Variants in TMC1 observed in about 807,000 individuals in gnomAD.
TMC1 encodes transmembrane channel-like protein 1.
A neutral mutation model predicts 105.8 loss-of-function variants in TMC1; 84 were observed. That is an observed-to-expected ratio of 0.79 (90% CI 0.67 to 0.95). The LOEUF is 0.95. TMC1 is among the 40% of genes least tolerant of loss of function. The pLI is 0.00. For missense variants in TMC1, 817 were observed against 914.1 expected (o/e 0.89, Z 1.37); for synonymous variants, 315 against 311.5 (o/e 1.01, Z -0.12).
rs543541440 is a variant in TMC1, at chr9:72,796,605, G to A, written c.1566+4253G>A. Among the ~76,000 whole-genome samples, 4 of 152,152 alleles carry A rather than the reference G, an allele frequency of 2.6e-5. No homozygotes were observed. In the East Asian group the frequency reaches 7.7e-4, roughly 29 times the overall value. ...ATAAATGTGATTCATCATGTAAAAA[G>A]AAATAAAGAGAAAAACCACATGATT... is the stretch of plus-strand genomic sequence containing the variant. On this transcript the variant is annotated intron_variant, in intron 17 of 23. Coordinates refer to ENST00000297784, the MANE Select transcript of TMC1 (RefSeq NM_138691.3).
At chr9:72,824,601 C>T (rs186847119) in intron 20 of TMC1, among the ~76,000 whole-genome samples, 30 of 152,258 alleles carry the variant, frequency 2.0e-4, no homozygotes, top group Non-Finnish European at 4.4e-5. Context: ...AAAGTCAGGC[C>T]GTCTCTCCCC....
chr9:72,829,336 T>C (rs530820295), intron 21 of TMC1, among the ~76,000 whole-genome samples: 69 of 152,312 alleles, frequency 4.5e-4, no homozygotes, highest in African/African-American at 1.6e-3. Context: ...CTTTGGAGAC[T>C]AGAAAAAGAT....
intron 2 of TMC1, among the ~76,000 whole-genome samples, chr9:72,604,740 T>G (rs1824879976): frequency 6.6e-6 from 1 of 152,186 alleles, no homozygotes; most frequent in Non-Finnish European, 1.5e-5. Flanking sequence ...AGGTGAAGCA[T>G]GTTGGTTTAA....
chr9:72,687,559 T>C (rs1451463796), intron 5 of TMC1, among the ~76,000 whole-genome samples: 1 of 152,236 alleles, frequency 6.6e-6, no homozygotes, highest in African/African-American at 2.4e-5. Context: ...TCACATTCTG[T>C]GGCTGATGTT....
chr9:72,709,835 G>C (rs2117903991), intron 8 of TMC1, among the ~76,000 whole-genome samples: 1 of 151,962 alleles, frequency 6.6e-6, no homozygotes, highest in East Asian at 1.9e-4. Context: ...TTTATCTTTT[G>C]TATTTTTGTT....
At chr9:72,524,119 C>T (rs1052085093) in intron 1 of TMC1, among the ~76,000 whole-genome samples, 1 of 152,166 alleles carries the variant, frequency 6.6e-6, no homozygotes, top group Non-Finnish European at 1.5e-5. Context: ...TCTTTTATTT[C>T]TTCACCTAGC....
intron 10 of TMC1, among the ~76,000 whole-genome samples, chr9:72,747,259 C>T (rs1009389330): frequency 6.6e-6 from 1 of 152,072 alleles, no homozygotes; most frequent in Admixed American, 6.5e-5. Context: ...AATTCCCTAC[C>T]CCTAAATAGT....
At chr9:72,731,832 G>A (rs1189684759) in intron 8 of TMC1, among the ~76,000 whole-genome samples, 2 of 152,130 alleles carry the variant, frequency 1.3e-5, no homozygotes, top group Non-Finnish European at 2.9e-5. Context: ...CTTTGACCAT[G>A]TAACTGAATC....
chr9:72,830,335 A>G (rs186990629), intron 21 of TMC1, 116 bp from the exon 22 acceptor site: 25 of 767,794 alleles, frequency 3.3e-5, no homozygotes, highest in Non-Finnish European at 5.2e-5. Context: ...AGAGTAGAAG[A>G]TAGCTTAATG....
chr9:72,606,998 T>TAGAG lies in TMC1; in HGVS notation c.-305-9369_-305-9368insGAGA, dbSNP rs566531350. On this transcript the variant is annotated intron_variant, in intron 2 of 23. Transcript: ENST00000297784. ...GTGTGTGTGCATATATATATATATA[T>TAGAG]ATATAGAGAGAGAGAGAGAGAGAGA... Among the ~76,000 whole-genome samples the TAGAG allele has an allele frequency of 4.2e-3, 498 of 117,234 alleles. 3 individuals carry two copies. Among genetic ancestry groups the TAGAG allele is most frequent in the African/African-American group, 0.015 (429 of 29,480 alleles). The allele number at this position is 117,234 out of a possible 152,430, so 76.9% of individuals were successfully genotyped here.
At chr9:72,535,336 G>C (rs1384536730) in intron 1 of TMC1, among the ~76,000 whole-genome samples, 1 of 152,200 alleles carries the variant, frequency 6.6e-6, no homozygotes, top group African/African-American at 2.4e-5. Context: ...CCGAAAACTT[G>C]TATTTCTATC....
chr9:72,832,632 A>G (rs1479522592), intron 23 of TMC1, among the ~76,000 whole-genome samples: 3 of 152,112 alleles, frequency 2.0e-5, no homozygotes, highest in Non-Finnish European at 4.4e-5. Context: ...GGTGTCCCCA[A>G]ACAACAAATG....
intron 11 of TMC1, among the ~76,000 whole-genome samples, chr9:72,753,434 G>A (rs948919732): frequency 6.6e-6 from 1 of 151,882 alleles, no homozygotes; most frequent in African/African-American, 2.4e-5. Context: ...CCCACACCAT[G>A]CTGCCTCCAT....
intron 2 of TMC1, among the ~76,000 whole-genome samples, chr9:72,610,172 G>A (rs775344563): frequency 1.3e-5 from 2 of 152,138 alleles, no homozygotes; most frequent in Non-Finnish European, 2.9e-5. Context: ...GAAGCTCCAA[G>A]TATTACACCC....
chr9:72,595,980 G>A (rs1186921988), intron 2 of TMC1, among the ~76,000 whole-genome samples: 1 of 151,448 alleles, frequency 6.6e-6, no homozygotes, highest in Non-Finnish European at 1.5e-5. Context: ...GGGTTCAAGC[G>A]ATTCTTCCGC....
chr9:72,651,628 C>G (rs1825816216), intron 5 of TMC1: 2 of 152,094 alleles, frequency 1.3e-5, no homozygotes, highest in Non-Finnish European at 2.9e-5. Context: ...ACTCTAAAAA[C>G]ATTTGATACA....
chr9:72,633,652 G>C (rs1159797771), intron 4 of TMC1, among the ~76,000 whole-genome samples: 1 of 152,066 alleles, frequency 6.6e-6, no homozygotes, highest in Non-Finnish European at 1.5e-5. Flanking sequence ...GTAACTTTTT[G>C]ACTGGCACAA....
At chr9:72,591,334 G>T (rs1824636657) in intron 2 of TMC1, among the ~76,000 whole-genome samples, 1 of 152,176 alleles carries the variant, frequency 6.6e-6, no homozygotes, top group African/African-American at 2.4e-5. Context: ...CAATATCAAA[G>T]CCTTGGTGTC....
At chr9:72,745,424 A>G (rs1270019625) in intron 10 of TMC1, among the ~76,000 whole-genome samples, 1 of 152,174 alleles carries the variant, frequency 6.6e-6, no homozygotes, top group African/African-American at 2.4e-5. Flanking sequence ...AGTTCATAAA[A>G]AGTATTCTAC....
Sources: allele counts gnomAD v4.1 joint callset (sites outside exome capture counted in the v4.1 genomes callset), GRCh38; gene constraint gnomAD v4.1.1; transcripts MANE v1.5; gene names NCBI Gene and HGNC (gene_info 2026-07-23, HGNC 2026-07-21).